The following CDH6 variants were observed in gnomAD, a reference collection of about 807,000 sequenced individuals.
The protein encoded by CDH6 is cadherin-6.
A neutral mutation model predicts 78.0 loss-of-function variants in CDH6; 31 were observed. That is an observed-to-expected ratio of 0.40 (90% CI 0.30 to 0.54). The LOEUF (loss-of-function observed/expected upper bound fraction) is 0.54. Among genes scored for constraint, CDH6 ranks in the 20% least tolerant of loss-of-function variants. The pLI is 0.56. For synonymous variants in CDH6, 376 were observed against 368.8 expected (o/e 1.02, Z -0.23); for missense variants, 724 against 975.9 (o/e 0.74, Z 3.44).
At chr5:31,322,768 G>A in intron 11 of CDH6, 50 bp from the exon 12 acceptor site, 2 of 1,562,488 alleles carry the variant, frequency 1.3e-6, no homozygotes, top group Non-Finnish European at 1.7e-6. Flanking sequence ...ACATTAATTG[G>A]GCAGCAAATT....
rs996627137 is a variant in CDH6 at position 31,246,361 on chromosome 5, G to T, written c.-128-20985G>T. Among the ~76,000 whole-genome samples, 6 of 152,264 alleles carry T rather than the reference G, an allele frequency of 3.9e-5. No individual in the cohort carries two copies. In the East Asian group the frequency reaches 7.7e-4, roughly 20 times the overall value. ...ATTGCACCCTATTGCTCAGCCAAAT[G>T]AGTTAAAATTTTAAATTAAAATGTC... On this transcript the variant is annotated intron_variant, in intron 1 of 11. Coordinates refer to ENST00000265071, the MANE Select transcript of CDH6 (RefSeq NM_004932.4).
intron 1 of CDH6, among the ~76,000 whole-genome samples, chr5:31,247,626 GT>G (rs1452260111): frequency 2.0e-5 from 3 of 152,202 alleles, no homozygotes; most frequent in African/African-American, 7.2e-5. Flanking sequence ...AGCAGGAAGT[GT>G]TGTGCATGCA....
intron 6 of CDH6, 121 bp from the exon 7 acceptor site, chr5:31,305,053 C>T: frequency 9.9e-7 from 1 of 1,010,526 alleles, no homozygotes; most frequent in Middle Eastern, 2.7e-4. Flanking sequence ...AAATGTGTTT[C>T]TCTAAGCAAT....
intron 1 of CDH6, among the ~76,000 whole-genome samples, chr5:31,244,901 C>G (rs2149921210): frequency 6.6e-6 from 1 of 152,316 alleles, no homozygotes; most frequent in East Asian, 1.9e-4. Context: ...AATGTCCACT[C>G]TAATCATATA....
At chr5:31,313,297 A>T in intron 7 of CDH6, 21 bp from the exon 8 acceptor site, 1 of 1,599,444 alleles carries the variant, frequency 6.3e-7, no homozygotes, top group Non-Finnish European at 8.6e-7. Flanking sequence ...AGCCTTTCTT[A>T]ATTCCACTCT....
chr5:31,323,191 G>T lies in CDH6; in HGVS notation c.2256G>T (p.Ser752=), dbSNP rs754696790. 3.7e-6 allele frequency: 6 copies of T among 1,614,016 alleles called. No individual in the cohort carries two copies. The highest frequency in any genetic ancestry group is 3.3e-5 in the Admixed American group (2 of 59,996). The change falls in exon 12 of 12, where the codon TCG becomes TCT. Residue 752 remains serine, a synonymous_variant. Transcript: ENST00000265071. ...GCTCCGTGGCGGATTCCCTGAGCTC[G>T]CTGGAGTCAGTGACCACGGATGCAG... ...GTGSVADSLS[S]LESVTTDADQ... is the part of the protein sequence containing the mutation.
intron 1 of CDH6, among the ~76,000 whole-genome samples, chr5:31,236,021 T>C (rs1175386078): frequency 6.6e-6 from 1 of 152,202 alleles, no homozygotes; most frequent in Admixed American, 6.5e-5. Context: ...TTTATTCTTT[T>C]TTCCATTCAG....
chr5:31,287,206 G>T lies in CDH6; in HGVS notation c.229-6756G>T, dbSNP rs552970790. On this transcript the variant is annotated intron_variant, in intron 2 of 11. Transcript: ENST00000265071. The stretch of plus-strand genomic sequence containing the variant: ...CATGTGGGGAGAGCATGTGAAAGGA[G>T]GGAGACAAGGACCAAAGACACAGGC... Among the ~76,000 whole-genome samples the T allele has an allele frequency of 1.9e-3, 292 of 152,260 alleles. 1 individual carries two copies. Among genetic ancestry groups the T allele is most frequent in the South Asian group, 3.1e-3 (15 of 4,818 alleles).
chr5:31,302,480 T>C (rs942109204), intron 6 of CDH6, 182 bp downstream of exon 6: 3 of 483,060 alleles, frequency 6.2e-6, no homozygotes, highest in Non-Finnish European at 1.1e-5. Context: ...CCCAGCACTT[T>C]TGGGGGCCAA....
At chr5:31,322,445 C>T (rs528869554) in intron 11 of CDH6, among the ~76,000 whole-genome samples, 13 of 152,114 alleles carry the variant, frequency 8.5e-5, no homozygotes, top group Non-Finnish European at 1.5e-4. Flanking sequence ...AGTTTCAGAG[C>T]ATTTTAGGTG....
At chr5:31,271,346 A>C (rs1406325642) in intron 2 of CDH6, among the ~76,000 whole-genome samples, 1 of 152,140 alleles carries the variant, frequency 6.6e-6, no homozygotes, top group East Asian at 1.9e-4. Flanking sequence ...GCCAATGACA[A>C]GAATAGACAA....
intron 11 of CDH6, chr5:31,318,262 CG>C (rs1738383449): frequency 3.6e-6 from 2 of 557,712 alleles, no homozygotes; most frequent in South Asian, 4.7e-5. Context: ...ACTTGGAAAA[CG>C]TTGTTAAGTG....
intron 1 of CDH6, among the ~76,000 whole-genome samples, chr5:31,244,031 A>G (rs1366825403): frequency 6.6e-6 from 1 of 152,294 alleles, no homozygotes; most frequent in Non-Finnish European, 1.5e-5. Flanking sequence ...TCAAACTCCA[A>G]AAGCGCTGGA....
chr5:31,300,772 G>T (rs772878461), intron 5 of CDH6, among the ~76,000 whole-genome samples: 17 of 152,192 alleles, frequency 1.1e-4, no homozygotes, highest in Admixed American at 1.1e-3. Flanking sequence ...CAAGGCAAGG[G>T]AGGGAGAAGT....
rs368347175 is a variant in CDH6, at chr5:31,293,919, A to G, written c.229-43A>G. 4 of 1,354,608 alleles carry G rather than the reference A, an allele frequency of 3.0e-6. 1 individual carries two copies. The highest frequency in any genetic ancestry group is 4.1e-6 in the Non-Finnish European group (4 of 979,048). The allele number at this position is 1,354,608 out of a possible 1,614,324, so 83.9% of individuals were successfully genotyped here. ...AAAGACAAAAACAGTTTAGAACCAC[A>G]TGCTTGACTTTTACTTTCTTTAATT... is the stretch of plus-strand genomic sequence containing the variant. On this transcript the variant is annotated intron_variant, in intron 2 of 11. Transcript: ENST00000265071.
intron 1 of CDH6, among the ~76,000 whole-genome samples, chr5:31,218,049 A>G (rs753294399): frequency 6.6e-6 from 1 of 152,146 alleles, no homozygotes; most frequent in Non-Finnish European, 1.5e-5. Flanking sequence ...GTTAATTTTA[A>G]TTTGTTTTTA....
At chr5:31,287,053 A>C (rs1427916311) in intron 2 of CDH6, among the ~76,000 whole-genome samples, 1 of 152,146 alleles carries the variant, frequency 6.6e-6, no homozygotes, top group Admixed American at 6.5e-5. Context: ...AAGTTGTCTA[A>C]GAGAAAGAGG....
In CDH6 at chr5:31,325,949, C is replaced by T. The variant is rs146795358; in HGVS notation, c.*2641C>T. On this transcript the variant is annotated 3_prime_UTR_variant, in exon 12 of 12. Coordinates refer to ENST00000265071, the MANE Select transcript of CDH6 (RefSeq NM_004932.4). ...GAACCAATAAGAGTCATAGTTCCAT[C>T]ATTCTCCAGCTTCGTCTCACTTCCT... The T allele has an allele frequency of 1.0e-3, 242 of 232,360 alleles. 3 individuals are homozygous for T. Among genetic ancestry groups the T allele is most frequent in the Middle Eastern group, 9.0e-3 (7 of 780 alleles). 14.4% of individuals were successfully genotyped at this position (232,360 alleles called of 1,614,324 possible). A position where few individuals can be genotyped will look rare whatever the true frequency, so the allele number is the denominator to read the frequency against.
intron 1 of CDH6, among the ~76,000 whole-genome samples, chr5:31,204,083 G>A (rs1740446708): frequency 6.6e-6 from 1 of 152,220 alleles, no homozygotes; most frequent in Non-Finnish European, 1.5e-5. Flanking sequence ...TTACCTGGAA[G>A]AAAATTGCAT....
Sources: gnomAD v4.1 joint callset for allele counts (sites outside exome capture counted in the v4.1 genomes callset) on GRCh38, gnomAD v4.1.1 for gene constraint, MANE v1.5 for transcripts, NCBI Gene and HGNC (gene_info 2026-07-23, HGNC 2026-07-21) for gene names.